CADM2: variants seen among roughly 807,000 people sequenced by gnomAD.
The protein encoded by CADM2 is immunoglobulin superfamily member 4D.
In CADM2, 12 loss-of-function variants were observed where a neutral mutation model predicts 49.8. That is an observed-to-expected ratio of 0.24 (90% CI 0.15 to 0.39). The LOEUF (loss-of-function observed/expected upper bound fraction) is 0.39. CADM2 is among the 10% of genes least tolerant of loss of function. The pLI is 1.00. For missense variants in CADM2, 378 were observed against 492.3 expected, an observed-to-expected ratio of 0.77 and a Z score of 2.20; for synonymous variants, 214 against 175.4, an observed-to-expected ratio of 1.22 and a Z score of -1.74.
At chr3:85,133,320 G>A (rs1397170738) in intron 1 of CADM2, among the ~76,000 whole-genome samples, 1 of 152,156 alleles carries the variant, frequency 6.6e-6, no homozygotes. Flanking sequence ...CTGATTGGTA[G>A]AGCCCAGTGG....
intron 1 of CADM2, among the ~76,000 whole-genome samples, chr3:84,974,441 T>A (rs1286748664): frequency 1.3e-5 from 2 of 151,996 alleles, no homozygotes; most frequent in African/African-American, 4.8e-5. Flanking sequence ...AGGTGATAAA[T>A]GGCTAGAGTA....
chr3:85,672,257 A>G (rs568928758), intron 1 of CADM2, among the ~76,000 whole-genome samples: 97 of 140,196 alleles, frequency 6.9e-4, no homozygotes, highest in Non-Finnish European at 1.3e-3. Flanking sequence ...CAGTGGCATG[A>G]TCTCTGCTCA....
intron 1 of CADM2, among the ~76,000 whole-genome samples, chr3:85,408,446 C>A (rs557615150): frequency 6.6e-6 from 1 of 152,208 alleles, no homozygotes; most frequent in Non-Finnish European, 1.5e-5. Flanking sequence ...TTGCATGAAC[C>A]AGTTGTTCTA....
In CADM2 at chr3:85,321,114, ATATTTTTTTTTTTTTTTTTTTTTTTT is replaced by A. The variant is rs1295127628; in HGVS notation, c.61+361448_61+361473del. On this transcript the variant is annotated intron_variant, in intron 1 of 9. Coordinates refer to ENST00000383699, the MANE Select transcript of CADM2 (RefSeq NM_001167675.2). ...TACATATATATATATATATATATAT[ATATTTTTTTTTTTTTTTTTTTTTTTT>A]TTTTTTTTTTTTTTTTTTTTTTTTT... Among the ~76,000 whole-genome samples the A allele has an allele frequency of 4.4e-3, 149 of 34,162 alleles. 12 individuals are homozygous for A. The highest frequency in any genetic ancestry group is 9.3e-3 in the African/African-American group (125 of 13,444). 22.4% of individuals were successfully genotyped at this position (34,162 alleles called of 152,430 possible).
At chr3:86,026,581 G>A (rs1733933046) in intron 8 of CADM2, among the ~76,000 whole-genome samples, 15 of 152,146 alleles carry the variant, frequency 9.9e-5, no homozygotes, top group Non-Finnish European at 1.5e-5. Context: ...TTTGTTAAAT[G>A]CTACTATCAG....
chr3:85,699,853 T>A (rs1330382930), intron 1 of CADM2, among the ~76,000 whole-genome samples: 5 of 152,222 alleles, frequency 3.3e-5, no homozygotes, highest in African/African-American at 1.2e-4. Context: ...ATTCCTCCCA[T>A]GAAAATGGGC....
intron 5 of CADM2, among the ~76,000 whole-genome samples, chr3:85,894,690 G>A (rs1714976850): frequency 1.3e-5 from 2 of 152,148 alleles, no homozygotes; most frequent in Admixed American, 1.3e-4. Flanking sequence ...CCAGGTCCAG[G>A]GACTTCTTCT....
intron 1 of CADM2, among the ~76,000 whole-genome samples, chr3:85,301,887 T>A (rs989441012): frequency 3.3e-5 from 5 of 152,066 alleles, no homozygotes; most frequent in Non-Finnish European, 7.4e-5. Flanking sequence ...TGATTAGACT[T>A]CAGAAAAATT....
chr3:85,899,122 T>C (rs1291121415), intron 5 of CADM2, among the ~76,000 whole-genome samples: 1 of 150,800 alleles, frequency 6.6e-6, no homozygotes, highest in Non-Finnish European at 1.5e-5. Context: ...TGCACCAACA[T>C]GTCTGGCTAA....
At chr3:85,890,687 A>T (rs1376357074) in intron 5 of CADM2, among the ~76,000 whole-genome samples, 1 of 136,772 alleles carries the variant, frequency 7.3e-6, no homozygotes, top group African/African-American at 3.3e-5. Context: ...GAAAAAAAAG[A>T]AAGACTTTTT....
intron 3 of CADM2, among the ~76,000 whole-genome samples, chr3:85,825,939 G>A (rs1044521383): frequency 2.0e-5 from 3 of 151,750 alleles, no homozygotes; most frequent in Non-Finnish European, 4.4e-5. Context: ...TGTTTTCTTT[G>A]TTCTCCATAA....
At chr3:85,663,067 C>T (rs1466283531) in intron 1 of CADM2, among the ~76,000 whole-genome samples, 1 of 151,932 alleles carries the variant, frequency 6.6e-6, no homozygotes, top group African/African-American at 2.4e-5. Flanking sequence ...GAACTGCAAA[C>T]GTAGTGGTAG....
chr3:85,183,639 C>G (rs1357158616), intron 1 of CADM2, among the ~76,000 whole-genome samples: 1 of 152,058 alleles, frequency 6.6e-6, no homozygotes, highest in African/African-American at 2.4e-5. Context: ...TTTGAAGTAA[C>G]CAATCTCTTC....
At chr3:85,900,631 G>A (rs555262741) in intron 5 of CADM2, among the ~76,000 whole-genome samples, 8 of 152,054 alleles carry the variant, frequency 5.3e-5, no homozygotes, top group Non-Finnish European at 7.4e-5. Context: ...GTTAATCAAC[G>A]TATTTAATTT....
intron 1 of CADM2, among the ~76,000 whole-genome samples, chr3:85,357,021 G>T (rs779198080): frequency 1.3e-5 from 2 of 152,008 alleles, no homozygotes; most frequent in Non-Finnish European, 2.9e-5. Flanking sequence ...GCTACTAGAA[G>T]AATTTTTATT....
chr3:84,987,158 C>A (rs903166203), intron 1 of CADM2, among the ~76,000 whole-genome samples: 1 of 151,974 alleles, frequency 6.6e-6, no homozygotes, highest in Non-Finnish European at 1.5e-5. Context: ...CAGGTTGTGG[C>A]TATGAGTATG....
At chr3:85,849,059 GGAT>G (rs977934847) in intron 3 of CADM2, among the ~76,000 whole-genome samples, 2 of 152,108 alleles carry the variant, frequency 1.3e-5, no homozygotes, top group African/African-American at 4.8e-5. Flanking sequence ...AGGAACTGTG[GGAT>G]GATATTTCTC....
At chr3:85,231,064 T>G (rs979029959) in intron 1 of CADM2, among the ~76,000 whole-genome samples, 2 of 152,156 alleles carry the variant, frequency 1.3e-5, no homozygotes, top group African/African-American at 2.4e-5. Flanking sequence ...ATGGTCACCC[T>G]TGGCCTGCAT....
chr3:85,504,780 A>T (rs1413867434), intron 1 of CADM2, among the ~76,000 whole-genome samples: 1 of 152,150 alleles, frequency 6.6e-6, no homozygotes, highest in African/African-American at 2.4e-5. Context: ...AGGGGGTGGG[A>T]GGCTCAGGCA....
Sources: allele counts gnomAD v4.1 joint callset (sites outside exome capture counted in the v4.1 genomes callset), GRCh38; gene constraint gnomAD v4.1.1; transcripts MANE v1.5; gene names NCBI Gene and HGNC (gene_info 2026-07-23, HGNC 2026-07-21).